Variants in PDE4D observed in about 807,000 individuals in gnomAD.
PDE4D encodes the protein 3',5'-cyclic-AMP phosphodiesterase 4D.
PDE4D carries 24 observed loss-of-function variants against 87.4 expected under a neutral mutation model. The observed-to-expected ratio is 0.27, with a 90% CI of 0.20 to 0.39. PDE4D has a LOEUF of 0.39. PDE4D is among the 10% of genes least tolerant of loss of function. The pLI, the probability that PDE4D is intolerant of heterozygous loss-of-function variation, is 1.00. For missense variants in PDE4D, 714 were observed against 1,041.0 expected, an observed-to-expected ratio of 0.69 and a Z score of 4.32; for synonymous variants, 384 against 383.2, an observed-to-expected ratio of 1.00 and a Z score of -0.02.
chr5:59,727,137 C>T (rs1756716954), intron 1 of PDE4D, among the ~76,000 whole-genome samples: 1 of 152,050 alleles, frequency 6.6e-6, no homozygotes, highest in Non-Finnish European at 1.5e-5. Flanking sequence ...AAAACTGTAT[C>T]AACTCCACCT....
chr5:59,144,125 T>A (rs1778286577), intron 5 of PDE4D, among the ~76,000 whole-genome samples: 4 of 152,212 alleles, frequency 2.6e-5, no homozygotes, highest in Admixed American at 2.6e-4. Flanking sequence ...CTTTTATGAC[T>A]TTAATTAGTC....
intron 1 of PDE4D, among the ~76,000 whole-genome samples, chr5:60,473,124 AAAG>A (rs1747961974): frequency 1.2e-5 from 1 of 81,396 alleles, no homozygotes; most frequent in Non-Finnish European, 2.3e-5. Flanking sequence ...AGAGAGAAAG[AAAG>A]GAAGGAAGGA....
chr5:59,824,109 T>C (rs1013704006), intron 1 of PDE4D, among the ~76,000 whole-genome samples: 1 of 152,096 alleles, frequency 6.6e-6, no homozygotes, highest in Non-Finnish European at 1.5e-5. Flanking sequence ...GCAAGCCACC[T>C]ATGTAATTTT....
At chr5:59,451,915 T>C (rs1299232665) in intron 1 of PDE4D, among the ~76,000 whole-genome samples, 2 of 151,988 alleles carry the variant, frequency 1.3e-5, no homozygotes, top group Non-Finnish European at 2.9e-5. Context: ...TCCAGTTGTC[T>C]ACATCTTTAG....
In PDE4D at chr5:60,221,795, A is replaced by G. The variant is rs192287820; in HGVS notation, c.-89-36108T>C. On this transcript the variant is annotated intron_variant, in intron 1 of 16. Transcript: ENST00000502484. ...CATTCATTAGTAGTTCTCTTTTATC[A>G]CTGAGGCATTTCCAATGTGTGAATA... Among the ~76,000 whole-genome samples, 185 of 152,210 alleles carry G rather than the reference A, an allele frequency of 1.2e-3. 2 individuals are homozygous for G. The highest frequency in any genetic ancestry group is 1.5e-3 in the Non-Finnish European group (105 of 68,008).
rs114989151 is a variant in PDE4D at position 59,009,976 on chromosome 5, C to G, written c.922-16511G>C. ...TCCCAGAAAACAGGCATACAGTTAT[C>G]CAAGGTCCACATTAGCTTTAATGAT... On this transcript the variant is annotated intron_variant, in intron 6 of 14. Coordinates refer to ENST00000340635, the MANE Select transcript of PDE4D (RefSeq NM_001104631.2). Among the ~76,000 whole-genome samples, 878 of 152,220 alleles carry G rather than the reference C, an allele frequency of 5.8e-3. 7 individuals are homozygous for G. Among genetic ancestry groups the G allele is most frequent in the African/African-American group, 0.02 (833 of 41,536 alleles).
chr5:59,625,079 T>A (rs1830741759), intron 1 of PDE4D, among the ~76,000 whole-genome samples: 1 of 152,218 alleles, frequency 6.6e-6, no homozygotes, highest in African/African-American at 2.4e-5. Context: ...AGGTTACTAA[T>A]CAGCTGACCT....
At chr5:60,114,459 T>C (rs541475209) in intron 2 of PDE4D, among the ~76,000 whole-genome samples, 1 of 152,262 alleles carries the variant, frequency 6.6e-6, no homozygotes, top group South Asian at 2.1e-4. Flanking sequence ...CTCAATTTAC[T>C]TGACCCTGCA....
chr5:60,103,817 TAAG>T (rs1776515497), intron 2 of PDE4D, among the ~76,000 whole-genome samples: 1 of 151,610 alleles, frequency 6.6e-6, no homozygotes, highest in African/African-American at 2.4e-5. Context: ...CATCTAGCAT[TAAG>T]AAGAATATCA....
chr5:59,669,389 G>A (rs539720508), intron 1 of PDE4D, among the ~76,000 whole-genome samples: 139 of 152,248 alleles, frequency 9.1e-4, no homozygotes, highest in Middle Eastern at 3.4e-3. Flanking sequence ...TGGGATTACA[G>A]GCATGAGTCA....
chr5:60,016,843 T>G lies in PDE4D; in HGVS notation c.43-28126A>C, dbSNP rs140016290. ...ACTTCTTCCAAATGCCGGTAAATGT[T>G]GATATCTTGACCTCTTCCTGAGAGT... On this transcript the variant is annotated intron_variant, in intron 2 of 16. Coordinates refer to the PDE4D transcript ENST00000502484. 1.2e-3 allele frequency among the ~76,000 whole-genome samples: 184 copies of G among 152,342 alleles called. 1 individual carries two copies. Among genetic ancestry groups the G allele is most frequent in the African/African-American group, 4.3e-3 (177 of 41,578 alleles).
chr5:60,401,333 T>C lies in PDE4D; in HGVS notation c.-90+86609A>G, dbSNP rs552487719. 3.4e-4 allele frequency among the ~76,000 whole-genome samples: 52 copies of C among 152,298 alleles called. No individual in the cohort carries two copies. The South Asian group carries it at 0.011, about 31-fold the overall frequency. ...ATGACATGATATAAAGTCTTGAATA[T>C]ATAACACACTTCACAATGAAAAATC... On this transcript the variant is annotated intron_variant, in intron 1 of 16. Transcript: ENST00000502484.
intron 5 of PDE4D, among the ~76,000 whole-genome samples, chr5:59,058,683 A>G (rs1372045340): frequency 1.3e-5 from 2 of 151,886 alleles, no homozygotes; most frequent in African/African-American, 4.8e-5. Flanking sequence ...GCTTTCCACT[A>G]TGGAGGCAGC....
chr5:60,281,685 T>C (rs1327374630), intron 1 of PDE4D, among the ~76,000 whole-genome samples: 1 of 152,134 alleles, frequency 6.6e-6, no homozygotes, highest in African/African-American at 2.4e-5. Flanking sequence ...TTAACTTACT[T>C]AGTTAATAAT....
chr5:59,076,169 C>T (rs1274100692), intron 5 of PDE4D, among the ~76,000 whole-genome samples: 1 of 152,132 alleles, frequency 6.6e-6, no homozygotes, highest in African/African-American at 2.4e-5. Context: ...ACTCTCACAT[C>T]AGTAATTTAC....
At chr5:60,093,015 C>T (rs903073565) in intron 2 of PDE4D, among the ~76,000 whole-genome samples, 1 of 152,278 alleles carries the variant, frequency 6.6e-6, no homozygotes, top group South Asian at 2.1e-4. Flanking sequence ...ATCAAACCAA[C>T]AGCTTACAAG....
At chr5:59,141,810 G>A (rs1777936813) in intron 5 of PDE4D, among the ~76,000 whole-genome samples, 1 of 152,118 alleles carries the variant, frequency 6.6e-6, no homozygotes, top group African/African-American at 2.4e-5. Flanking sequence ...TTCCTCACTT[G>A]GTGCCTTTTA....
At chr5:60,152,285 T>C (rs889671982) in intron 2 of PDE4D, among the ~76,000 whole-genome samples, 4 of 152,198 alleles carry the variant, frequency 2.6e-5, no homozygotes, top group Non-Finnish European at 5.9e-5. Flanking sequence ...TTTGGAAGTG[T>C]TCCCTCTTCT....
chr5:60,135,743 C>A (rs1779979468), intron 2 of PDE4D, among the ~76,000 whole-genome samples: 1 of 152,106 alleles, frequency 6.6e-6, no homozygotes, highest in African/African-American at 2.4e-5. Context: ...AAGTAAATAG[C>A]TATAGAGGAG....
Sources: allele counts gnomAD v4.1 joint callset (sites outside exome capture counted in the v4.1 genomes callset), GRCh38; gene constraint gnomAD v4.1.1; transcripts MANE v1.5; gene names NCBI Gene and HGNC (gene_info 2026-07-23, HGNC 2026-07-21).